Variants in C16orf46 observed in about 807,000 individuals in gnomAD.
C16orf46 encodes the protein uncharacterized protein C16orf46.
A neutral mutation model predicts 5.5 loss-of-function variants in C16orf46; 7 were observed. The observed-to-expected ratio is 1.28, with a 90% CI of 0.73 to 2.40. The LOEUF (loss-of-function observed/expected upper bound fraction) is 2.40. Among genes scored for constraint, C16orf46 ranks in the 30% most tolerant of loss-of-function variants. The probability of loss-of-function intolerance (pLI) is 0.00; values close to 1 mark genes in which losing one functional copy is unlikely to be tolerated. For missense variants in C16orf46, 614 were observed against 476.0 expected (o/e 1.29, Z -2.70); for synonymous variants, 200 against 184.1 (o/e 1.09, Z -0.70).
rs1597140054 is a variant in C16orf46 at position 81,061,616 on chromosome 16, T to C, written c.733A>G (p.Lys245Glu). 6 of 1,614,202 alleles carry C rather than the reference T, an allele frequency of 3.7e-6. No homozygotes were observed. Among genetic ancestry groups the C allele is most frequent in the Non-Finnish European group, 5.1e-6 (6 of 1,180,036 alleles). ...QSEEKVLDVE[K>E]DGCVAYAYGL... ...TATGCATAAGCCACACACCCATCCT[T>C]TTCCACATCCAGCACCTTCTCTTCT... Residue 245 changes from lysine to glutamate, a missense_variant, in exon 4 of 4, where the codon AAG (lysine) becomes GAG (glutamate). Lys to Glu is a moderately conservative substitution (Grantham distance 56). Coordinates refer to ENST00000299578, the MANE Select transcript of C16orf46 (RefSeq NM_152337.3).
chr16:81,064,544 T>C (rs1199418978), intron 2 of C16orf46, among the ~76,000 whole-genome samples: 1 of 151,934 alleles, frequency 6.6e-6, no homozygotes, highest in African/African-American at 2.4e-5. Flanking sequence ...GGTCAGGAGT[T>C]CGAGGACAGC....
chr16:81,063,689 G>A, intron 3 of C16orf46, 57 bp downstream of exon 3: 2 of 1,444,830 alleles, frequency 1.4e-6, no homozygotes, highest in Non-Finnish European at 9.5e-7. Flanking sequence ...AAAGAGGCTT[G>A]CACCAAAACA....
chr16:81,062,528 A>G (rs1440841150), intron 3 of C16orf46, among the ~76,000 whole-genome samples: 1 of 152,228 alleles, frequency 6.6e-6, no homozygotes, highest in Non-Finnish European at 1.5e-5. Flanking sequence ...TGAAGCCATT[A>G]AAATAAAATG....
At chr16:81,063,708 CGAGAGA>C in intron 3 of C16orf46, 32 bp downstream of exon 3, 1 of 1,545,400 alleles carries the variant, frequency 6.5e-7, no homozygotes, top group Non-Finnish European at 8.9e-7. Context: ...CACTGATGTG[CGAGAGA>C]CAGAAAAGCT....
At chr16:81,068,106 T>A (rs907447324) in intron 1 of C16orf46, among the ~76,000 whole-genome samples, 1 of 152,182 alleles carries the variant, frequency 6.6e-6, no homozygotes, top group Non-Finnish European at 1.5e-5. Context: ...GACACTATAT[T>A]GAGATCATGT....
chr16:81,076,877 A>T (rs1313876254), intron 1 of C16orf46: 1 of 152,234 alleles, frequency 6.6e-6, no homozygotes, highest in Non-Finnish European at 1.5e-5. Flanking sequence ...CCCATTCAGA[A>T]AAGCGTTCTG....
rs916278843 is a variant in C16orf46 at position 81,077,195 on chromosome 16, C to A, written c.-187G>T. ...GCTAGTCCCGGCCTACTGGCAAGAGCTACTCAGGTCGCTGCCGGATGGGCC... is the reference window on the plus strand; with the variant it reads ...GCTAGTCCCGGCCTACTGGCAAGAGATACTCAGGTCGCTGCCGGATGGGCC... On this transcript the variant is annotated 5_prime_UTR_variant, in exon 1 of 4. Transcript: ENST00000299578. The A allele has an allele frequency of 6.6e-6, 1 of 152,330 alleles. No homozygotes were observed. The highest frequency in any genetic ancestry group is 1.5e-5 in the Non-Finnish European group (1 of 68,096). The allele number at this position is 152,330 out of a possible 1,614,324, so 9.4% of individuals were successfully genotyped here. A position where few individuals can be genotyped will look rare whatever the true frequency, so the allele number is the denominator to read the frequency against.
Position 81,054,709 on chromosome 16 carries a change from C to T in C16orf46, c.1144-615G>A, listed in dbSNP as rs138915485. On this transcript the variant is annotated intron_variant, in intron 3 of 3. Coordinates refer to the C16orf46 transcript ENST00000378611. ...TACTGCCCAGGCTGGTATGCAGTGGCGTGATCTCGGCTCACTGCAAACTCC... is the reference window on the plus strand; with the variant it reads ...TACTGCCCAGGCTGGTATGCAGTGGTGTGATCTCGGCTCACTGCAAACTCC... Among the ~76,000 whole-genome samples the T allele has an allele frequency of 3.5e-3, 532 of 152,174 alleles. 3 individuals carry two copies. Among genetic ancestry groups the T allele is most frequent in the African/African-American group, 0.012 (514 of 41,500 alleles).
At chr16:81,057,138 C>T (rs185786872), downstream of C16orf46, among the ~76,000 whole-genome samples, 1 of 152,216 alleles carries the variant, frequency 6.6e-6, no homozygotes, top group East Asian at 1.9e-4. Flanking sequence ...AAATAGTGCC[C>T]AGGTTGAAAA....
chr16:81,053,923 C>A (rs930581227), exon 4 of C16orf46: 2 of 777,494 alleles, frequency 2.6e-6, no homozygotes, highest in Admixed American at 2.3e-5. Context: ...CCAAACGTGG[C>A]GTCTTCTTAC....
chr16:81,053,868 A>C (rs1971216334), exon 4 of C16orf46: 1 of 533,318 alleles, frequency 1.9e-6, no homozygotes, highest in African/African-American at 1.9e-5. Flanking sequence ...GGGAGACCTA[A>C]AAGAGCGAGC....
chr16:81,059,828 G>A (rs1005579563), downstream of C16orf46, among the ~76,000 whole-genome samples: 1 of 149,166 alleles, frequency 6.7e-6, no homozygotes, highest in Non-Finnish European at 1.5e-5. Context: ...TCACTCTGTC[G>A]CCCAGGCTGG....
At chr16:81,062,791 G>A (rs1217985811) in intron 3 of C16orf46, among the ~76,000 whole-genome samples, 4 of 151,078 alleles carry the variant, frequency 2.6e-5, no homozygotes, top group African/African-American at 9.7e-5. Flanking sequence ...ACCACATTTT[G>A]GACATACTTA....
In C16orf46 at chr16:81,061,955, G is replaced by T. The variant is rs1352069971; in HGVS notation, c.394C>A (p.Gln132Lys). The T allele has an allele frequency of 6.2e-7, 1 of 1,614,084 alleles. No individual in the cohort carries two copies. Among genetic ancestry groups the T allele is most frequent in the African/African-American group, 1.3e-5 (1 of 74,938 alleles). ...GGGCCCTGGGGGGCTGCCTGAGTCT[G>T]GGAGGGGCTGCTCTGATCCTTCTCT... is the stretch of plus-strand genomic sequence containing the variant. ...GPEKDQSSPS[Q>K]TQAAPQGPST... Residue 132 changes from glutamine (Q) to lysine (K), a missense_variant, in exon 4 of 4, where the codon CAG becomes AAG. Physicochemically the swap from Gln to Lys is moderately conservative, Grantham distance 53 (BLOSUM62 1). Transcript: ENST00000299578.
rs183003666 is a variant in C16orf46, at chr16:81,063,821, G to A, written c.135C>T (p.Leu45=). 5.6e-6 allele frequency: 9 copies of A among 1,613,868 alleles called. No individual in the cohort carries two copies. The highest frequency in any genetic ancestry group is 2.7e-5 in the African/African-American group (2 of 74,978). ...GTTCAAGCGTAATGTCACTGACATCGAGAAGACAATAAACATGATTTTTTT... is the reference window on the plus strand; with the variant it reads ...GTTCAAGCGTAATGTCACTGACATCAAGAAGACAATAAACATGATTTTTTT... ...KSEKNHVYCL[L]DVSDITLEQD... is the part of the protein sequence containing the mutation. Residue 45 remains leucine, a synonymous_variant, in exon 3 of 4, where the codon CTC becomes CTT. Coordinates refer to ENST00000299578, the MANE Select transcript of C16orf46 (RefSeq NM_152337.3).
At chr16:81,063,225 A>G (rs1043436220) in intron 3 of C16orf46, among the ~76,000 whole-genome samples, 1 of 149,272 alleles carries the variant, frequency 6.7e-6, no homozygotes, top group Non-Finnish European at 1.5e-5. Context: ...CCTGGGCGAC[A>G]GAAAGAGACT....
chr16:81,066,317 G>C (rs1386484350), intron 1 of C16orf46, 36 bp from the exon 2 acceptor site: 1 of 152,088 alleles, frequency 6.6e-6, no homozygotes, highest in African/African-American at 2.4e-5. Context: ...GGATAGGAAA[G>C]TTGTATTTTA....
intron 3 of C16orf46, among the ~76,000 whole-genome samples, chr16:81,062,866 T>C (rs951815243): frequency 7.0e-6 from 1 of 142,350 alleles, no homozygotes; most frequent in Admixed American, 7.9e-5. Flanking sequence ...CCAAGTTTTC[T>C]CATAGTTTTA....
chr16:81,073,548 A>C (rs565949441), intron 1 of C16orf46, among the ~76,000 whole-genome samples: 2 of 152,368 alleles, frequency 1.3e-5, no homozygotes, highest in South Asian at 2.1e-4. Flanking sequence ...GTTATATTAC[A>C]TGGTAAAAGG....
Sources: allele counts gnomAD v4.1 joint callset (sites outside exome capture counted in the v4.1 genomes callset), GRCh38; gene constraint gnomAD v4.1.1; transcripts MANE v1.5; gene names NCBI Gene and HGNC (gene_info 2026-07-23, HGNC 2026-07-21).